ERBIN: variants seen among roughly 807,000 people sequenced by gnomAD.
ERBIN encodes erbb2 interacting protein, also known as densin-180-like protein.
In ERBIN, 60 loss-of-function variants were observed where a neutral mutation model predicts 158.4. That is an observed-to-expected ratio of 0.38 (90% CI 0.31 to 0.47). The LOEUF (loss-of-function observed/expected upper bound fraction) is 0.47. ERBIN is among the 20% of genes least tolerant of loss of function. The pLI is 0.99. For synonymous variants in ERBIN, 594 were observed against 557.2 expected, an observed-to-expected ratio of 1.07 and a Z score of -0.93; for missense variants, 1,610 against 1,648.0, an observed-to-expected ratio of 0.98 and a Z score of 0.40.
At chr5:65,929,167 A>G (rs1305620963) in intron 1 of ERBIN, among the ~76,000 whole-genome samples, 2 of 152,236 alleles carry the variant, frequency 1.3e-5, no homozygotes, top group African/African-American at 4.8e-5. Context: ...CTGTTTCTTA[A>G]TGAAGTGATA....
chr5:65,974,344 C>A (rs1749628357), intron 1 of ERBIN, among the ~76,000 whole-genome samples: 1 of 152,170 alleles, frequency 6.6e-6, no homozygotes, highest in South Asian at 2.1e-4. Context: ...CTTATTTGTC[C>A]TGTGACCTTT....
At chr5:65,948,527 A>T (rs1471114582) in intron 1 of ERBIN, among the ~76,000 whole-genome samples, 1 of 151,934 alleles carries the variant, frequency 6.6e-6, no homozygotes, top group Non-Finnish European at 1.5e-5. Flanking sequence ...AATATACAAA[A>T]CGCTCAGGGA....
At chr5:66,028,801 A>G (rs936905013) in intron 14 of ERBIN, among the ~76,000 whole-genome samples, 2 of 152,136 alleles carry the variant, frequency 1.3e-5, no homozygotes, top group Admixed American at 1.3e-4. Context: ...TCCATGTTCC[A>G]GCCCACCCCG....
At chr5:65,954,216 G>A (rs912328415) in intron 1 of ERBIN, among the ~76,000 whole-genome samples, 1 of 152,130 alleles carries the variant, frequency 6.6e-6, no homozygotes, top group African/African-American at 2.4e-5. Context: ...GATTGTTCTC[G>A]AGAGTAATAC....
chr5:65,941,942 A>G (rs369589316), intron 1 of ERBIN, among the ~76,000 whole-genome samples: 38 of 152,184 alleles, frequency 2.5e-4, no homozygotes, highest in African/African-American at 8.9e-4. Flanking sequence ...GGGTTTCACC[A>G]TGTTAGCCAG....
chr5:65,969,957 A>G (rs746454796), intron 1 of ERBIN, among the ~76,000 whole-genome samples: 4 of 152,198 alleles, frequency 2.6e-5, no homozygotes, highest in African/African-American at 4.8e-5. Context: ...GTTTTTTAAT[A>G]TTAAGCATGA....
chr5:66,028,228 C>A, intron 13 of ERBIN, 46 bp from the exon 14 acceptor site: 1 of 1,422,480 alleles, frequency 7.0e-7, no homozygotes, highest in Non-Finnish European at 9.8e-7. Flanking sequence ...CATTTTAAAT[C>A]TTCTCATTTT....
intron 14 of ERBIN, among the ~76,000 whole-genome samples, chr5:66,031,547 C>A (rs1040767990): frequency 6.6e-6 from 1 of 152,152 alleles, no homozygotes; most frequent in Non-Finnish European, 1.5e-5. Context: ...AAAAGAGGAA[C>A]GGGGCTGGGT....
chr5:65,944,752 T>C (rs1745531255), intron 1 of ERBIN, among the ~76,000 whole-genome samples: 1 of 152,202 alleles, frequency 6.6e-6, no homozygotes, highest in Non-Finnish European at 1.5e-5. Flanking sequence ...GTCGAGTATC[T>C]TTATATGTAC....
chr5:66,065,397 T>G (rs1760870442), intron 21 of ERBIN, among the ~76,000 whole-genome samples: 6 of 152,198 alleles, frequency 3.9e-5, no homozygotes, highest in Admixed American at 3.9e-4. Flanking sequence ...TCTTTTCCCC[T>G]CTTACCCACC....
At chr5:66,056,831 G>T (rs1229164529) in intron 21 of ERBIN, among the ~76,000 whole-genome samples, 2 of 146,770 alleles carry the variant, frequency 1.4e-5, no homozygotes, top group Non-Finnish European at 3.0e-5. Context: ...CAGACCACTA[G>T]TTGACTACAC....
chr5:65,938,107 C>T (rs968154468), intron 1 of ERBIN, among the ~76,000 whole-genome samples: 6 of 151,898 alleles, frequency 4.0e-5, no homozygotes, highest in African/African-American at 7.3e-5. Context: ...CTTGTTGATA[C>T]GCATATTTGT....
rs1762275854 is a variant in ERBIN, at chr5:66,079,392, T to A, written c.*862T>A. On this transcript the variant is annotated 3_prime_UTR_variant, in exon 26 of 26. Coordinates refer to ENST00000284037, the MANE Select transcript of ERBIN (RefSeq NM_001253697.2). The stretch of plus-strand genomic sequence containing the variant: ...CACTGATTTTTTTTTTTTTTTCAAA[T>A]GGTGGTACTTGCAATCTGTTTTATA... 1 of 151,878 alleles carries A rather than the reference T, an allele frequency of 6.6e-6. No homozygotes were observed. 9.4% of individuals were successfully genotyped at this position (151,878 alleles called of 1,614,324 possible).
At chr5:65,998,069 A>G (rs1256181607) in intron 4 of ERBIN, among the ~76,000 whole-genome samples, 1 of 151,994 alleles carries the variant, frequency 6.6e-6, no homozygotes, top group Non-Finnish European at 1.5e-5. Flanking sequence ...TGTACTAAAA[A>G]TACAAAAATT....
chr5:66,065,963 T>C (rs1760947021), intron 21 of ERBIN, among the ~76,000 whole-genome samples: 1 of 152,088 alleles, frequency 6.6e-6, no homozygotes. Context: ...TTTTATTCAG[T>C]AAAAATAATC....
At chr5:66,040,238 A>G (rs1254475609) in intron 15 of ERBIN, among the ~76,000 whole-genome samples, 2 of 151,852 alleles carry the variant, frequency 1.3e-5, no homozygotes, top group African/African-American at 4.8e-5. Context: ...AAGTTTACTC[A>G]TCCCGCCTCT....
chr5:65,969,092 TA>T (rs572225985), intron 1 of ERBIN, among the ~76,000 whole-genome samples: 20 of 152,024 alleles, frequency 1.3e-4, no homozygotes, highest in Admixed American at 4.6e-4. Flanking sequence ...ATATGTCAAT[TA>T]AAAAAATGCT....
At chr5:66,056,591 G>C (rs182593180) in intron 21 of ERBIN, among the ~76,000 whole-genome samples, 2 of 151,872 alleles carry the variant, frequency 1.3e-5, no homozygotes, top group East Asian at 3.9e-4. Context: ...TTCACGGTAC[G>C]GGTTCTTGAA....
At chr5:66,014,885 T>C (rs1754551693) in intron 7 of ERBIN, among the ~76,000 whole-genome samples, 160 bp downstream of exon 7, 1 of 152,198 alleles carries the variant, frequency 6.6e-6, no homozygotes, top group African/African-American at 2.4e-5. Context: ...AATATTAAAA[T>C]GTATGTGTCT....
Sources: gnomAD v4.1 joint callset for allele counts (sites outside exome capture counted in the v4.1 genomes callset) on GRCh38, gnomAD v4.1.1 for gene constraint, MANE v1.5 for transcripts, NCBI Gene and HGNC (gene_info 2026-07-23, HGNC 2026-07-21) for gene names.